The following CUBN variants were observed in gnomAD, a reference collection of about 807,000 sequenced individuals.
CUBN encodes cubilin.
CUBN carries 282 observed loss-of-function variants against 405.3 expected under a neutral mutation model. That is an observed-to-expected ratio of 0.70 (90% confidence interval 0.63 to 0.77). The LOEUF is 0.77. Ranked by LOEUF, CUBN falls within the 30% of genes least tolerant of loss-of-function variation. CUBN has a pLI of 0.00. For synonymous variants in CUBN, 1,684 were observed against 1,617.0 expected (o/e 1.04, Z -0.99); for missense variants, 4,514 against 4,475.2 (o/e 1.01, Z -0.25).
At chr10:16,926,989 C>A (rs955861917) in intron 41 of CUBN, among the ~76,000 whole-genome samples, 13 of 151,842 alleles carry the variant, frequency 8.6e-5, no homozygotes, top group African/African-American at 3.1e-4. Context: ...CCCATCCTCC[C>A]CACTTCTGAG....
chr10:17,110,531 AT>A (rs1326229189), intron 9 of CUBN, among the ~76,000 whole-genome samples: 1 of 152,048 alleles, frequency 6.6e-6, no homozygotes, highest in Non-Finnish European at 1.5e-5. Flanking sequence ...ATAATATTTT[AT>A]TTTTTATTTT....
chr10:17,066,980 A>T (rs1243938798), intron 21 of CUBN, among the ~76,000 whole-genome samples: 1 of 152,168 alleles, frequency 6.6e-6, no homozygotes, highest in African/African-American at 2.4e-5. Context: ...AAATGAGTTT[A>T]AAGGCAAAAC....
intron 49 of CUBN, among the ~76,000 whole-genome samples, chr10:16,906,646 T>C (rs937247205): frequency 2.0e-5 from 3 of 152,184 alleles, no homozygotes; most frequent in Non-Finnish European, 4.4e-5. Context: ...GTAGATTAAG[T>C]GGTGGGCGTT....
chr10:17,087,455 CTAT>C (rs573082200), intron 15 of CUBN, among the ~76,000 whole-genome samples: 1 of 94,580 alleles, frequency 1.1e-5, no homozygotes, highest in East Asian at 3.5e-4. Flanking sequence ...AACACAATCA[CTAT>C]TATTTTTCTT....
Position 16,901,385 on chromosome 10 carries a change from T to C in CUBN, c.8137A>G (p.Thr2713Ala). Residue 2713 changes from threonine to alanine, a missense_variant, in exon 52 of 67, where the codon ACC becomes GCC. Physicochemically the swap from Thr to Ala is moderately conservative, Grantham distance 58. Coordinates refer to ENST00000377833, the MANE Select transcript of CUBN (RefSeq NM_001081.4). The part of the protein sequence containing the change: ...PNYPNAYDSL[T>A]HCSSLLEAPQ... ...GCCTCCAACAGCGAAGAGCAGTGGG[T>C]CAGGCTGTCATAAGCATTTGGATAG... The C allele has an allele frequency of 6.2e-7, 1 of 1,614,038 alleles. No individual in the cohort carries two copies. The highest frequency in any genetic ancestry group is 8.5e-7 in the Non-Finnish European group (1 of 1,179,932).
intron 28 of CUBN, among the ~76,000 whole-genome samples, chr10:17,003,685 T>C (rs1233207900): frequency 1.3e-5 from 2 of 152,324 alleles, no homozygotes; most frequent in South Asian, 2.1e-4. Context: ...ATTGATCTAA[T>C]ATTTTCTGTG....
At chr10:17,048,499 A>G (rs1054735917) in intron 22 of CUBN, among the ~76,000 whole-genome samples, 1 of 151,872 alleles carries the variant, frequency 6.6e-6, no homozygotes, top group African/African-American at 2.4e-5. Context: ...TGCTTTTGAG[A>G]CAGGGTCTTG....
intron 14 of CUBN, among the ~76,000 whole-genome samples, chr10:17,098,478 C>T (rs1338013258): frequency 6.6e-6 from 1 of 152,188 alleles, no homozygotes; most frequent in African/African-American, 2.4e-5. Flanking sequence ...TCATATTCAA[C>T]AATGAAATAT....
chr10:17,111,111 CA>C lies in CUBN; in HGVS notation c.884-62del. ...TAGACAAGTCAACAAGGAAGAAATA[CA>C]AGAGTCAAAACATATAAAAACCTTC... On this transcript the variant is annotated intron_variant, in intron 8 of 66. Coordinates refer to ENST00000377833, the MANE Select transcript of CUBN (RefSeq NM_001081.4). 1.9e-6 allele frequency: 3 copies of C among 1,578,970 alleles called. No homozygotes were observed. The South Asian group carries it at 3.3e-5, about 17-fold the overall frequency.
In CUBN at chr10:16,928,157, T is replaced by C; in HGVS notation, c.6271A>G (p.Ser2091Gly). ...ATTAAAAAATATTTGAACTCATTAC[T>C]CTTGTGAAAGGATGCATTGAAGCCT... ...RAGFNASFHK[S>G]CGGYLHADRG... The change falls in exon 41 of 67, where the codon AGC becomes GGC. Residue 2091 changes from serine (S) to glycine (G), a missense_variant and splice_region_variant. Coordinates refer to ENST00000377833, the MANE Select transcript of CUBN (RefSeq NM_001081.4). 1 of 1,613,614 alleles carries C rather than the reference T, an allele frequency of 6.2e-7. No individual in the cohort carries two copies. Among genetic ancestry groups the C allele is most frequent in the Non-Finnish European group, 8.5e-7 (1 of 1,179,702 alleles).
chr10:16,856,766 G>A (rs1410728896), intron 59 of CUBN, among the ~76,000 whole-genome samples: 5 of 152,178 alleles, frequency 3.3e-5, no homozygotes, highest in African/African-American at 9.7e-5. Context: ...AGCAGATACA[G>A]ACTGGCTTGA....
rs146403007 is a variant in CUBN, at chr10:17,093,054, A to G, written c.1766-4709T>C. ...AGCATATAAAGTATGTCCCATACAC[A>G]CTCAAGAATTCAAAGAAGTGAAGCC... is the stretch of plus-strand genomic sequence containing the variant. On this transcript the variant is annotated intron_variant, in intron 14 of 66. Coordinates refer to ENST00000377833, the MANE Select transcript of CUBN (RefSeq NM_001081.4). Among the ~76,000 whole-genome samples, 823 of 152,326 alleles carry G rather than the reference A, an allele frequency of 5.4e-3. 11 individuals carry two copies. Among genetic ancestry groups the G allele is most frequent in the African/African-American group, 0.019 (794 of 41,574 alleles).
intron 63 of CUBN, among the ~76,000 whole-genome samples, chr10:16,835,795 T>G (rs1206597978): frequency 6.6e-5 from 10 of 152,100 alleles, no homozygotes; most frequent in African/African-American, 2.4e-4. Context: ...TTTCTAAGAT[T>G]TTCAATTTTG....
intron 40 of CUBN, 115 bp from the exon 41 acceptor site, chr10:16,928,418 G>A (rs1842260173): frequency 9.4e-7 from 1 of 1,065,344 alleles, no homozygotes. Context: ...AGGACTCGTA[G>A]GAGATAATGG....
chr10:16,994,161 G>T (rs937350186), intron 28 of CUBN, among the ~76,000 whole-genome samples: 1 of 152,098 alleles, frequency 6.6e-6, no homozygotes, highest in African/African-American at 2.4e-5. Context: ...TTTGAAAGAG[G>T]TAAAATAGCT....
intron 22 of CUBN, among the ~76,000 whole-genome samples, chr10:17,054,394 A>T (rs972042522): frequency 6.6e-6 from 1 of 151,764 alleles, no homozygotes; most frequent in Admixed American, 6.6e-5. Flanking sequence ...ATCTATATCT[A>T]TCTATCTGTA....
At chr10:17,014,126 G>T (rs1387816604) in intron 28 of CUBN, among the ~76,000 whole-genome samples, 1 of 152,146 alleles carries the variant, frequency 6.6e-6, no homozygotes, top group South Asian at 2.1e-4. Context: ...TACATCATGA[G>T]TAGTCCAGAC....
chr10:16,973,416 AAAGT>A, intron 31 of CUBN, among the ~76,000 whole-genome samples: 1 of 152,220 alleles, frequency 6.6e-6, no homozygotes, highest in African/African-American at 2.4e-5. Context: ...GGAAGATTCG[AAAGT>A]GGGCTCTTCT....
At chr10:17,105,339 T>C (rs1182481833) in intron 11 of CUBN, 118 bp downstream of exon 11, 7 of 781,570 alleles carry the variant, frequency 9.0e-6, no homozygotes, top group Non-Finnish European at 1.7e-5. Flanking sequence ...TCTCGACAGT[T>C]CCTTATCTGA....
Sources: gnomAD v4.1 joint callset for allele counts (sites outside exome capture counted in the v4.1 genomes callset) on GRCh38, gnomAD v4.1.1 for gene constraint, MANE v1.5 for transcripts, NCBI Gene and HGNC (gene_info 2026-07-23, HGNC 2026-07-21) for gene names.